The following MMP17 variants were observed in gnomAD, a reference collection of about 807,000 sequenced individuals.
MMP17 encodes matrix metalloproteinase-17.
Under a neutral mutation model 49.1 loss-of-function variants are expected in MMP17, and 54 were observed. That is an observed-to-expected ratio of 1.10 (90% confidence interval 0.88 to 1.38). The LOEUF (loss-of-function observed/expected upper bound fraction) is 1.38. Ranked by LOEUF, MMP17 falls within the 40% of genes most tolerant of loss-of-function variation. The pLI is 0.00. For synonymous variants in MMP17, 397 were observed against 383.1 expected (o/e 1.04, Z -0.42); for missense variants, 837 against 853.7 (o/e 0.98, Z 0.24).
intron 1 of MMP17, among the ~76,000 whole-genome samples, chr12:131,828,939 C>T (rs906498298): frequency 2.0e-5 from 3 of 152,038 alleles, no homozygotes; most frequent in Admixed American, 6.5e-5. Flanking sequence ...GGGGGTCGCC[C>T]ACCCGGAGCC....
chr12:131,840,927 G>GC (rs1377371779), intron 4 of MMP17, 71 bp downstream of exon 4: 30 of 1,461,242 alleles, frequency 2.1e-5, no homozygotes, highest in South Asian at 2.7e-5. Flanking sequence ...AGCAGCCATG[G>GC]CCCCCCCATC....
chr12:131,844,682 T>C (rs1887601146), intron 6 of MMP17: 1 of 235,344 alleles, frequency 4.2e-6, no homozygotes, highest in Non-Finnish European at 8.5e-6. Context: ...ACGCTCTGTG[T>C]CGAGTCGTCT....
intron 1 of MMP17, among the ~76,000 whole-genome samples, chr12:131,835,223 C>T (rs1887020606): frequency 6.6e-6 from 1 of 152,266 alleles, no homozygotes; most frequent in Admixed American, 6.5e-5. Context: ...CACCACCCCC[C>T]AAGATTCGAT....
At chr12:131,829,194 A>C (rs906620461) in intron 1 of MMP17, among the ~76,000 whole-genome samples, 7 of 152,180 alleles carry the variant, frequency 4.6e-5, no homozygotes, top group African/African-American at 1.7e-4. Context: ...TCCCCACTGG[A>C]CAAGGACCTG....
intron 5 of MMP17, 108 bp downstream of exon 5, chr12:131,841,908 C>A: frequency 8.0e-7 from 1 of 1,255,262 alleles, no homozygotes; most frequent in Non-Finnish European, 1.1e-6. Context: ...CCCGCTGTTC[C>A]CTCCACGGAT....
At chr12:131,842,929 G>T (rs1887494216) in intron 5 of MMP17, among the ~76,000 whole-genome samples, 1 of 151,926 alleles carries the variant, frequency 6.6e-6, no homozygotes, top group Non-Finnish European at 1.5e-5. Context: ...CATCCCCCCA[G>T]CCCCTGGCAA....
chr12:131,838,551 T>C, intron 2 of MMP17, 61 bp from the exon 3 acceptor site: 1 of 1,551,094 alleles, frequency 6.4e-7, no homozygotes, highest in South Asian at 1.2e-5. Context: ...TTGCGGATGC[T>C]CGGGATCCTA....
chr12:131,834,547 CGGGGAGTCT>C (rs1234673888), intron 1 of MMP17, among the ~76,000 whole-genome samples: 1 of 152,046 alleles, frequency 6.6e-6, no homozygotes, highest in East Asian at 1.9e-4. Context: ...ACACCTGGAG[CGGGGAGTCT>C]GGGCCCCCAC....
intron 3 of MMP17, 137 bp from the exon 4 acceptor site, chr12:131,840,436 G>A: frequency 4.5e-6 from 4 of 889,164 alleles, no homozygotes; most frequent in South Asian, 3.4e-5. Context: ...ATGACTCCTG[G>A]CGTGGGGAGG....
At chr12:131,830,258 C>T (rs760288592) in intron 1 of MMP17, among the ~76,000 whole-genome samples, 36 of 152,238 alleles carry the variant, frequency 2.4e-4, no homozygotes, top group Non-Finnish European at 4.3e-4. Context: ...GCCCTCCTCT[C>T]GGCTGGTACC....
rs182888984 is a variant in MMP17, at chr12:131,839,790, A to G, written c.423-783A>G. ...TGGTGAGACCCCGTCTCTACTAAAA[A>G]TACAAAAATTAGCTGGGTATGGTGA... On this transcript the variant is annotated intron_variant, in intron 3 of 9. Transcript: ENST00000360564. Among the ~76,000 whole-genome samples the G allele has an allele frequency of 1.4e-3, 207 of 152,262 alleles. 1 individual carries two copies. The highest frequency in any genetic ancestry group is 4.7e-3 in the African/African-American group (196 of 41,566).
chr12:131,838,709 C>G lies in MMP17; in HGVS notation c.390C>G (p.Pro130=), dbSNP rs747491700. Residue 130 remains proline, a synonymous_variant, in exon 3 of 10, where the codon CCC becomes CCG. Coordinates refer to ENST00000360564, the MANE Select transcript of MMP17 (RefSeq NM_016155.7). ...GCAGGAGACGCCAGGCTCCAGCCCC[C>G]ACCAAGTGGAACAAGAGGAACCTGT... ...QARRRRQAPA[P]TKWNKRNLSW... 11 of 1,598,074 alleles carry G rather than the reference C, an allele frequency of 6.9e-6. No homozygotes were observed. Among genetic ancestry groups the G allele is most frequent in the Non-Finnish European group, 8.5e-6 (10 of 1,173,460 alleles).
At chr12:131,829,958 ACCT>A (rs1280046835) in intron 1 of MMP17, among the ~76,000 whole-genome samples, 2 of 152,036 alleles carry the variant, frequency 1.3e-5, no homozygotes, top group Admixed American at 6.5e-5. Context: ...GCCCCCCTCC[ACCT>A]CCTCAAGACC....
At chr12:131,850,198 G>T (rs573018067) in intron 9 of MMP17, 139 bp downstream of exon 9, 5 of 1,207,164 alleles carry the variant, frequency 4.1e-6, no homozygotes, top group Admixed American at 2.9e-5. Context: ...CCAGCCCCTC[G>T]CCTGGAGCTG....
chr12:131,840,514 C>T (rs879229780), intron 3 of MMP17, 59 bp from the exon 4 acceptor site: 7 of 1,515,376 alleles, frequency 4.6e-6, no homozygotes, highest in East Asian at 4.6e-5. Context: ...CAGGGAACCT[C>T]GGCCTGGGGC....
Position 131,838,671 on chromosome 12 carries a change from C to T in MMP17, c.352C>T (p.Leu118=), listed in dbSNP as rs1372051844. ...CTGCTCCCTGCCAGACCTCCCTGTC[C>T]TGACCCAGGCTCGCAGGAGACGCCA... ...PRCSLPDLPV[L]TQARRRRQAP... Residue 118 remains leucine (L), a synonymous_variant, in exon 3 of 10, where the codon CTG becomes TTG. Transcript: ENST00000360564. 6.2e-7 allele frequency: 1 copy of T among 1,610,548 alleles called. No homozygotes were observed. Among genetic ancestry groups the T allele is most frequent in the Non-Finnish European group, 8.5e-7 (1 of 1,179,452 alleles).
At position 131,841,746 on chromosome 12, in the gene MMP17, C is replaced by A. The variant is rs758844501; in HGVS notation, c.829C>A (p.Pro277Thr). Residue 277 changes from proline to threonine, a missense_variant, in exon 5 of 10, where the codon CCG becomes ACG. Transcript: ENST00000360564. Reference sequence around the variant, plus strand: ...GTACTACCAGGGCCCGGTGGGTGACCCGCTGCGCTACGGGCTCCCCTACGA... The same window carrying A: ...GTACTACCAGGGCCCGGTGGGTGACACGCTGCGCTACGGGCTCCCCTACGA... ...RPYYQGPVGD[P>T]LRYGLPYEDK... The A allele has an allele frequency of 4.3e-6, 7 of 1,613,096 alleles. No homozygotes were observed. The highest frequency in any genetic ancestry group is 5.9e-6 in the Non-Finnish European group (7 of 1,179,784).
chr12:131,841,904 G>C (rs369839928), intron 5 of MMP17, 104 bp downstream of exon 5: 2 of 1,302,992 alleles, frequency 1.5e-6, no homozygotes, highest in South Asian at 1.5e-5. Flanking sequence ...TCTCCCCGCT[G>C]TTCCCTCCAC....
In MMP17 at chr12:131,846,056, G is replaced by A. The variant is rs1233259506; in HGVS notation, c.1204+607G>A. Among the ~76,000 whole-genome samples, 3 of 152,194 alleles carry A rather than the reference G, an allele frequency of 2.0e-5. No individual in the cohort carries two copies. Among genetic ancestry groups the A allele is most frequent in the Admixed American group, 1.3e-4 (2 of 15,278 alleles). On this transcript the variant is annotated intron_variant, in intron 8 of 9. Coordinates refer to ENST00000360564, the MANE Select transcript of MMP17 (RefSeq NM_016155.7). This position sits in a 1 kb window ranked among gnomAD's most constrained non-coding sequence, Gnocchi z 4.6. ...GCACTCCTTTTGCCTCCAAGTCTCC[G>A]GGAAGGGCAGGAAAGGGAGACAGTA...
Sources: gnomAD v4.1 joint callset for allele counts (sites outside exome capture counted in the v4.1 genomes callset) on GRCh38, gnomAD v4.1.1 for gene constraint, Gnocchi (gnomAD v3.1) non-coding constraint, MANE v1.5 for transcripts, NCBI Gene and HGNC (gene_info 2026-07-23, HGNC 2026-07-21) for gene names.